Variants in MDFIC2 observed in about 807,000 individuals in gnomAD.
The protein encoded by MDFIC2 is MyoD family inhibitor domain containing 2.
intron 2 of MDFIC2, among the ~76,000 whole-genome samples, chr3:70,264,132 A>T (rs906080562): frequency 6.6e-6 from 1 of 152,228 alleles, no homozygotes; most frequent in South Asian, 2.1e-4. Flanking sequence ...TACAAAATAT[A>T]TATGTTTAAA....
chr3:70,297,940 GTCTCTTAC>G (rs1427915413), intron 2 of MDFIC2, among the ~76,000 whole-genome samples: 1 of 152,030 alleles, frequency 6.6e-6, no homozygotes, highest in Non-Finnish European at 1.5e-5. Flanking sequence ...TTAGAGAGTG[GTCTCTTAC>G]TCTTTGCTAA....
chr3:70,208,626 A>G (rs923161272), intron 2 of MDFIC2, among the ~76,000 whole-genome samples: 2 of 152,108 alleles, frequency 1.3e-5, no homozygotes, highest in Non-Finnish European at 2.9e-5. Context: ...TTTGGGAACC[A>G]CGATGCCAGG....
At chr3:70,289,977 G>A (rs1702214807) in intron 2 of MDFIC2, among the ~76,000 whole-genome samples, 1 of 152,030 alleles carries the variant, frequency 6.6e-6, no homozygotes, top group Admixed American at 6.6e-5. Flanking sequence ...TCTTTTCAAA[G>A]TTTTCAACTT....
intron 2 of MDFIC2, among the ~76,000 whole-genome samples, chr3:70,225,699 C>G (rs1701497926): frequency 6.6e-6 from 1 of 152,264 alleles, no homozygotes; most frequent in South Asian, 2.1e-4. Context: ...TTCTTGAACA[C>G]CCCCAAAATG....
chr3:70,282,639 C>T (rs1367325787), intron 2 of MDFIC2, among the ~76,000 whole-genome samples: 1 of 152,170 alleles, frequency 6.6e-6, no homozygotes, highest in Non-Finnish European at 1.5e-5. Flanking sequence ...AAACATGGTT[C>T]TTGCCCTCAT....
intron 2 of MDFIC2, among the ~76,000 whole-genome samples, chr3:70,289,735 A>G (rs1176592029): frequency 2.0e-5 from 3 of 151,880 alleles, no homozygotes; most frequent in Non-Finnish European, 4.4e-5. Flanking sequence ...ATAGTCCCAT[A>G]TTTCTTGGAG....
chr3:70,239,468 T>C (rs1226881324), intron 2 of MDFIC2, among the ~76,000 whole-genome samples: 1 of 152,142 alleles, frequency 6.6e-6, no homozygotes, highest in African/African-American at 2.4e-5. Context: ...GTCAACTGTC[T>C]TGAAGTTCAT....
At chr3:70,254,353 C>T (rs1701795780) in intron 2 of MDFIC2, among the ~76,000 whole-genome samples, 1 of 152,086 alleles carries the variant, frequency 6.6e-6, no homozygotes, top group Non-Finnish European at 1.5e-5. Flanking sequence ...TCAATCCATG[C>T]AATTATTCTC....
intron 2 of MDFIC2, among the ~76,000 whole-genome samples, chr3:70,268,925 C>A (rs1701949505): frequency 6.6e-6 from 1 of 151,928 alleles, no homozygotes; most frequent in Admixed American, 6.5e-5. Flanking sequence ...TAATAACTGA[C>A]AATGGAAGCA....
intron 2 of MDFIC2, among the ~76,000 whole-genome samples, chr3:70,268,150 C>A (rs1285954910): frequency 6.6e-6 from 1 of 151,448 alleles, no homozygotes; most frequent in Non-Finnish European, 1.5e-5. Context: ...ATACTCCTGC[C>A]CCCACACATG....
In MDFIC2 at chr3:70,258,124, C is replaced by CA. The variant is rs564133143; in HGVS notation, c.89-51335dup. Among the ~76,000 whole-genome samples, 19 of 151,910 alleles carry CA rather than the reference C, an allele frequency of 1.3e-4. No individual in the cohort carries two copies. In the East Asian group the frequency reaches 3.5e-3, roughly 28 times the overall value. On this transcript the variant is annotated intron_variant, in intron 2 of 3. Coordinates refer to ENST00000567252, the MANE Select transcript of MDFIC2 (RefSeq NM_001364677.1). ...CCCAACTTTCATTTCACATCATAGACAAAAAAATTAATTTGAAATGGATCA... is the reference window on the plus strand; with the variant it reads ...CCCAACTTTCATTTCACATCATAGACAAAAAAAATTAATTTGAAATGGATCA...
chr3:70,256,296 G>C (rs745942928), intron 2 of MDFIC2, among the ~76,000 whole-genome samples: 1 of 152,188 alleles, frequency 6.6e-6, no homozygotes, highest in East Asian at 1.9e-4. Context: ...GTCAGACAGA[G>C]AGAAATGTAC....
At chr3:70,284,166 T>C (rs1340260385) in intron 2 of MDFIC2, among the ~76,000 whole-genome samples, 1 of 152,174 alleles carries the variant, frequency 6.6e-6, no homozygotes, top group Non-Finnish European at 1.5e-5. Flanking sequence ...ACAGTGTATT[T>C]CATTTATAGG....
Position 70,294,698 on chromosome 3 carries a change from A to C in MDFIC2, c.88+17188T>G, listed in dbSNP as rs111878803. On this transcript the variant is annotated intron_variant, in intron 2 of 3. Transcript: ENST00000567252. Reference sequence around the variant, plus strand: ...CTCATATATCCATTTTAAAGGTAGAATGGCTCGAGGATTGATTAAATCAAT... The same window carrying C: ...CTCATATATCCATTTTAAAGGTAGACTGGCTCGAGGATTGATTAAATCAAT... 1.6e-4 allele frequency among the ~76,000 whole-genome samples: 25 copies of C among 152,276 alleles called. 1 individual carries two copies. Among genetic ancestry groups the C allele is most frequent in the African/African-American group, 5.3e-4 (22 of 41,552 alleles).
intron 2 of MDFIC2, among the ~76,000 whole-genome samples, chr3:70,212,868 A>G (rs938208240): frequency 6.6e-6 from 1 of 151,852 alleles, no homozygotes. Flanking sequence ...ATCACAGTTC[A>G]CTGCAGCTTC....
intron 2 of MDFIC2, among the ~76,000 whole-genome samples, chr3:70,223,179 A>C (rs1245859659): frequency 2.0e-5 from 3 of 152,200 alleles, no homozygotes; most frequent in Non-Finnish European, 4.4e-5. Flanking sequence ...GGGTGCTAAC[A>C]TGTGAAAGTG....
chr3:70,205,784 C>G (rs1346062743), intron 3 of MDFIC2: 1 of 151,966 alleles, frequency 6.6e-6, no homozygotes, highest in Non-Finnish European at 1.5e-5. Context: ...GACCAGAAAC[C>G]ATACCTTGTT....
chr3:70,307,908 G>A (rs901975504), intron 2 of MDFIC2, among the ~76,000 whole-genome samples: 1 of 152,148 alleles, frequency 6.6e-6, no homozygotes, highest in Non-Finnish European at 1.5e-5. Context: ...ACTGAAATAG[G>A]CATCTTCCAG....
chr3:70,213,072 G>A (rs1701366472), intron 2 of MDFIC2, among the ~76,000 whole-genome samples: 2 of 152,126 alleles, frequency 1.3e-5, no homozygotes, highest in South Asian at 2.1e-4. Context: ...GCCTCCCAAA[G>A]TGCTAGGATT....
Sources: allele counts gnomAD v4.1 joint callset (sites outside exome capture counted in the v4.1 genomes callset), GRCh38; gene constraint gnomAD v4.1.1; transcripts MANE v1.5; gene names NCBI Gene and HGNC (gene_info 2026-07-23, HGNC 2026-07-21).